Variants in ASAP1 observed in about 807,000 individuals in gnomAD.
ASAP1 encodes arf-GAP with SH3 domain, ANK repeat and PH domain-containing protein 1.
A neutral mutation model predicts 145.2 loss-of-function variants in ASAP1; 43 were observed. The observed-to-expected ratio is 0.30, with a 90% confidence interval of 0.23 to 0.38. The LOEUF is 0.38. Ranked by LOEUF, ASAP1 falls within the 10% of genes least tolerant of loss-of-function variation. The probability of loss-of-function intolerance (pLI) is 1.00; values close to 1 mark genes in which losing one functional copy is unlikely to be tolerated. For synonymous variants in ASAP1, 546 were observed against 515.5 expected (o/e 1.06, Z -0.80); for missense variants, 1,018 against 1,355.3 (o/e 0.75, Z 3.91).
rs1346319720 is a variant in ASAP1 at position 130,054,804 on chromosome 8, A to G, written c.3317T>C (p.Ile1106Thr). ...VTGEEDQEWWIGHIEGQPERK... is the reference protein window; with the variant it reads ...VTGEEDQEWWTGHIEGQPERK... ...TTCAGGCTGTCCTTCGATGTGGCCAATCTGCAGGGAGAAAAGAGAGTGGTC... is the reference window on the plus strand; with the variant it reads ...TTCAGGCTGTCCTTCGATGTGGCCAGTCTGCAGGGAGAAAAGAGAGTGGTC... The change falls in exon 30 of 30, where the codon ATT becomes ACT. Residue 1106 changes from isoleucine to threonine, a missense_variant and splice_region_variant. By Grantham distance (89) the Ile-to-Thr change is moderately conservative. This residue lies in a region of ASAP1 where 62 missense variants were observed against 97.8 expected (regional missense o/e 0.63). Transcript: ENST00000518721. 6 of 1,613,162 alleles carry G rather than the reference A, an allele frequency of 3.7e-6. No homozygotes were observed. Among genetic ancestry groups the G allele is most frequent in the African/African-American group, 1.3e-5 (1 of 74,918 alleles).
intron 5 of ASAP1, among the ~76,000 whole-genome samples, chr8:130,190,297 A>G (rs888470542): frequency 6.6e-6 from 1 of 152,108 alleles, no homozygotes; most frequent in African/African-American, 2.4e-5. Context: ...TCTTAGATTT[A>G]AGTCTTTAAT....
intron 3 of ASAP1, among the ~76,000 whole-genome samples, chr8:130,300,235 TCA>T (rs964212118): frequency 1.3e-5 from 2 of 149,248 alleles, no homozygotes; most frequent in African/African-American, 5.0e-5. Context: ...TCCCAGAATT[TCA>T]CAGTGATCAG....
intron 21 of ASAP1, 66 bp from the exon 22 acceptor site, chr8:130,116,811 T>C: frequency 1.3e-6 from 2 of 1,584,696 alleles, no homozygotes; most frequent in Non-Finnish European, 1.7e-6. Context: ...CAAGGAACAA[T>C]AATCAAATTA....
intron 9 of ASAP1, among the ~76,000 whole-genome samples, chr8:130,170,094 GA>G (rs1441877700): frequency 6.6e-6 from 1 of 152,080 alleles, no homozygotes; most frequent in Non-Finnish European, 1.5e-5. Flanking sequence ...TACAAACAAC[GA>G]GGACCTTGAG....
At position 130,117,948 on chromosome 8, in the gene ASAP1, T is replaced by G. The variant is rs1032649902; in HGVS notation, c.1880+213A>C. ...TGGAATACAGCCACACTTGCTTGTT[T>G]ACACATTGTCAGTGGCTGCTTTCAC... On this transcript the variant is annotated intron_variant, in intron 20 of 29. Coordinates refer to ENST00000518721, the MANE Select transcript of ASAP1 (RefSeq NM_018482.4). Among the ~76,000 whole-genome samples the G allele has an allele frequency of 5.9e-5, 9 of 152,244 alleles. No homozygotes were observed. In the South Asian group the frequency reaches 6.2e-4, roughly 11 times the overall value.
intron 27 of ASAP1, among the ~76,000 whole-genome samples, chr8:130,072,812 T>C (rs1339114098): frequency 3.1e-5 from 1 of 31,920 alleles, no homozygotes; most frequent in African/African-American, 1.2e-4. Context: ...TGTGTGTGTG[T>C]GTGTGTGTGT....
intron 28 of ASAP1, among the ~76,000 whole-genome samples, chr8:130,059,352 G>C (rs1423578777): frequency 6.6e-6 from 1 of 152,048 alleles, no homozygotes; most frequent in Non-Finnish European, 1.5e-5. Context: ...TTTTTATAGA[G>C]ACGGTTTCTC....
chr8:130,124,793 C>T (rs2097572351), intron 17 of ASAP1, among the ~76,000 whole-genome samples: 1 of 152,152 alleles, frequency 6.6e-6, no homozygotes, highest in Non-Finnish European at 1.5e-5. Context: ...AGGATTTGGA[C>T]TTTCCTCTTT....
At chr8:130,240,434 A>C (rs2136705709) in intron 3 of ASAP1, among the ~76,000 whole-genome samples, 1 of 152,256 alleles carries the variant, frequency 6.6e-6, no homozygotes, top group African/African-American at 2.4e-5. Flanking sequence ...TCTAGAAATA[A>C]TACAAGTCTA....
At chr8:130,435,581 A>T (rs1340647173) in intron 1 of ASAP1, among the ~76,000 whole-genome samples, 1 of 152,218 alleles carries the variant, frequency 6.6e-6, no homozygotes, top group Admixed American at 6.5e-5. Flanking sequence ...ACATTTTTAT[A>T]AATGTTCTTT....
chr8:130,087,394 C>T (rs982216695), intron 25 of ASAP1, among the ~76,000 whole-genome samples: 2 of 152,114 alleles, frequency 1.3e-5, no homozygotes, highest in African/African-American at 4.8e-5. Context: ...GTGGCGGGTG[C>T]CTGCAATCCC....
intron 3 of ASAP1, among the ~76,000 whole-genome samples, chr8:130,323,882 C>T (rs1245911468): frequency 6.6e-6 from 1 of 152,202 alleles, no homozygotes; most frequent in Non-Finnish European, 1.5e-5. Context: ...AAAAAAACCA[C>T]TTATCTGTAA....
intron 5 of ASAP1, among the ~76,000 whole-genome samples, chr8:130,195,863 G>A (rs1815450167): frequency 6.6e-6 from 1 of 152,194 alleles, no homozygotes; most frequent in South Asian, 2.1e-4. Context: ...TTTTCCCTCT[G>A]TATATATAAA....
At chr8:130,285,129 A>T (rs1393107335) in intron 3 of ASAP1, among the ~76,000 whole-genome samples, 2 of 152,168 alleles carry the variant, frequency 1.3e-5, no homozygotes, top group Non-Finnish European at 2.9e-5. Context: ...AGAACACCAG[A>T]CCTAAGAGAA....
chr8:130,118,427 A>T (rs111566674), intron 19 of ASAP1, 62 bp downstream of exon 19: 1 of 1,513,508 alleles, frequency 6.6e-7, no homozygotes, highest in African/African-American at 1.4e-5. Flanking sequence ...TGTTAAAATA[A>T]GTCACCTTTT....
At chr8:130,165,067 A>G (rs1221207612) in intron 11 of ASAP1, among the ~76,000 whole-genome samples, 1 of 152,234 alleles carries the variant, frequency 6.6e-6, no homozygotes, top group Non-Finnish European at 1.5e-5. Flanking sequence ...TCTGTGATGC[A>G]AGGTACTAAT....
intron 5 of ASAP1, among the ~76,000 whole-genome samples, chr8:130,191,208 G>A (rs1013069861): frequency 6.6e-6 from 1 of 152,098 alleles, no homozygotes; most frequent in Non-Finnish European, 1.5e-5. Context: ...GGCAGAGTCA[G>A]GTGTGAAAGG....
chr8:130,096,768 G>C (rs1327582218), intron 24 of ASAP1, among the ~76,000 whole-genome samples: 1 of 152,052 alleles, frequency 6.6e-6, no homozygotes, highest in Non-Finnish European at 1.5e-5. Flanking sequence ...TGGATGACAG[G>C]ACTAGTGTTC....
intron 3 of ASAP1, among the ~76,000 whole-genome samples, chr8:130,261,435 G>A (rs1017176472): frequency 6.6e-6 from 1 of 152,168 alleles, no homozygotes; most frequent in Non-Finnish European, 1.5e-5. Flanking sequence ...TCTACTTCCA[G>A]GGGGTAGGTT....
Sources: allele counts gnomAD v4.1 joint callset (sites outside exome capture counted in the v4.1 genomes callset), GRCh38; gene constraint gnomAD v4.1.1; regional missense constraint gnomAD v4.1.1; transcripts MANE v1.5; gene names NCBI Gene and HGNC (gene_info 2026-07-23, HGNC 2026-07-21).